NTN1: variants seen among roughly 807,000 people sequenced by gnomAD.
NTN1 encodes netrin 1, also known as netrin-1.
A neutral mutation model predicts 54.2 loss-of-function variants in NTN1; 11 were observed. That is an observed-to-expected ratio of 0.20 (90% CI 0.13 to 0.34). NTN1 has a LOEUF of 0.34. Among genes scored for constraint, NTN1 ranks in the 10% least tolerant of loss-of-function variants. NTN1 has a pLI of 1.00. For synonymous variants in NTN1, 371 were observed against 382.0 expected (o/e 0.97, Z 0.33); for missense variants, 740 against 893.1 (o/e 0.83, Z 2.18).
chr17:9,129,293 A>T (rs1002412335), intron 2 of NTN1, among the ~76,000 whole-genome samples: 6 of 152,146 alleles, frequency 3.9e-5, no homozygotes, highest in Non-Finnish European at 8.8e-5. Flanking sequence ...GCCTCATTAA[A>T]AGGTACTTTA....
intron 2 of NTN1, among the ~76,000 whole-genome samples, chr17:9,142,728 A>G (rs1042551504): frequency 3.3e-5 from 5 of 152,180 alleles, no homozygotes; most frequent in African/African-American, 1.2e-4. Context: ...TGAACCAACC[A>G]ACCAACCAAA....
intron 4 of NTN1, among the ~76,000 whole-genome samples, chr17:9,182,325 G>C (rs2092420946): frequency 6.6e-6 from 1 of 152,228 alleles, no homozygotes; most frequent in Non-Finnish European, 1.5e-5. Context: ...ACGATCACAT[G>C]CTTTTATGAG....
At chr17:9,039,693 T>C (rs1018031396) in intron 2 of NTN1, among the ~76,000 whole-genome samples, 16 of 152,228 alleles carry the variant, frequency 1.1e-4, no homozygotes, top group Admixed American at 3.3e-4. Flanking sequence ...CCTTCTGTCA[T>C]TGTATATCTG....
intron 2 of NTN1, among the ~76,000 whole-genome samples, chr17:9,132,881 GAA>G: frequency 6.6e-6 from 1 of 152,114 alleles, no homozygotes; most frequent in South Asian, 2.1e-4. Flanking sequence ...TTTCAAAAAA[GAA>G]AAAGAATGAC....
intron 2 of NTN1, among the ~76,000 whole-genome samples, chr17:9,121,801 G>T (rs2092232406): frequency 6.6e-6 from 1 of 152,092 alleles, no homozygotes; most frequent in Admixed American, 6.6e-5. Context: ...TTACAAAAAA[G>T]AGCCTCCCCA....
At chr17:9,178,156 C>T (rs1371328476) in intron 3 of NTN1, among the ~76,000 whole-genome samples, 1 of 152,238 alleles carries the variant, frequency 6.6e-6, no homozygotes, top group Admixed American at 6.5e-5. Flanking sequence ...GAGATTACGC[C>T]ATTGCACTCT....
At chr17:9,018,140 G>C (rs896609069), upstream of NTN1, among the ~76,000 whole-genome samples, 2 of 152,078 alleles carry the variant, frequency 1.3e-5, no homozygotes, top group African/African-American at 4.8e-5. Context: ...CTGGATACAA[G>C]GTGAGTAAGA....
At chr17:9,202,070 A>C (rs1460126594) in intron 5 of NTN1, among the ~76,000 whole-genome samples, 4,569 of 125,636 alleles carry the variant, frequency 0.036, 99 homozygotes, top group African/African-American at 0.08. Flanking sequence ...AAAAAAAAAA[A>C]AAAAAAAAAA....
Position 9,204,189 on chromosome 17 carries a change from TTCCC to T in NTN1, c.1412-16975_1412-16972del, listed in dbSNP as rs1198222769. 4.8e-4 allele frequency among the ~76,000 whole-genome samples: 70 copies of T among 144,748 alleles called. No homozygotes were observed. In the East Asian group the frequency reaches 9.0e-3, roughly 19 times the overall value. 95.0% of individuals were successfully genotyped at this position (144,748 alleles called of 152,430 possible). A position where few individuals can be genotyped will look rare whatever the true frequency, so the allele number is the denominator to read the frequency against. ...CCCTTAGTAACCGTTCCTTCCTTCC[TTCCC>T]TCCTTCCTTCCTTCCTTCCTTCCTT... On this transcript the variant is annotated intron_variant, in intron 5 of 6. Coordinates refer to ENST00000173229, the MANE Select transcript of NTN1 (RefSeq NM_004822.3).
chr17:9,091,154 T>A (rs2092109201), intron 2 of NTN1, among the ~76,000 whole-genome samples: 1 of 152,180 alleles, frequency 6.6e-6, no homozygotes, highest in African/African-American at 2.4e-5. Flanking sequence ...TGACTTTTCC[T>A]CCCCCAAACT....
Position 9,221,147 on chromosome 17 carries a change from T to TCGG in NTN1, c.1412-20_1412-19insGGC. On this transcript the variant is annotated intron_variant, in intron 5 of 6. Coordinates refer to ENST00000173229, the MANE Select transcript of NTN1 (RefSeq NM_004822.3). This position sits in a 1 kb window ranked among gnomAD's most constrained non-coding sequence, Gnocchi z 4.5. Reference sequence around the variant, plus strand: ...CAGCCTAATTAGTTTTTGTCTGTGCTCCCCCCCCACCCCCCTGCAGACTGC... The same window carrying TCGG: ...CAGCCTAATTAGTTTTTGTCTGTGCTCGGCCCCCCCCACCCCCCTGCAGACTGC... 7.7e-7 allele frequency: 1 copy of TCGG among 1,303,814 alleles called. No homozygotes were observed. Among genetic ancestry groups the TCGG allele is most frequent in the Non-Finnish European group, 1.0e-6 (1 of 952,884 alleles). 80.8% of individuals were successfully genotyped at this position (1,303,814 alleles called of 1,614,324 possible). A position where few individuals can be genotyped will look rare whatever the true frequency, so the allele number is the denominator to read the frequency against.
intron 5 of NTN1, among the ~76,000 whole-genome samples, chr17:9,189,634 G>A (rs1904398084): frequency 6.6e-6 from 1 of 152,058 alleles, no homozygotes; most frequent in African/African-American, 2.4e-5. Flanking sequence ...ACAGGGGTGA[G>A]CCACCATGCC....
At chr17:9,051,623 G>A (rs1263136155) in intron 2 of NTN1, among the ~76,000 whole-genome samples, 1 of 152,194 alleles carries the variant, frequency 6.6e-6, no homozygotes, top group Non-Finnish European at 1.5e-5. Context: ...CATATGCATT[G>A]TGAAATCATG....
rs749049996 is a variant in NTN1, at chr17:9,219,010, G to A, written c.1412-2158G>A. ...CTTGCATTCCAATTCGCTTCCCTAA[G>A]TGGAGAAAGCAGGAAGGGATTTCAG... On this transcript the variant is annotated intron_variant, in intron 5 of 6. Coordinates refer to ENST00000173229, the MANE Select transcript of NTN1 (RefSeq NM_004822.3). The surrounding 1 kb of genome is among the most constrained non-coding windows in gnomAD (Gnocchi z 4.5). Among the ~76,000 whole-genome samples, 28 of 152,138 alleles carry A rather than the reference G, an allele frequency of 1.8e-4. No individual in the cohort carries two copies. Among genetic ancestry groups the A allele is most frequent in the Non-Finnish European group, 1.6e-4 (11 of 68,036 alleles).
In NTN1 at chr17:9,135,574, C is replaced by G. The variant is rs78061121; in HGVS notation, c.1019-27239C>G. On this transcript the variant is annotated intron_variant, in intron 2 of 6. Coordinates refer to ENST00000173229, the MANE Select transcript of NTN1 (RefSeq NM_004822.3). The surrounding 1 kb of genome is among the most constrained non-coding windows in gnomAD (Gnocchi z 4.4). ...GGCTGAGATCCACGCTTCTTGGAGC[C>G]CATTGGCTTCCCCTTGAATTGTCAC... Among the ~76,000 whole-genome samples, 2,296 of 152,298 alleles carry G rather than the reference C, an allele frequency of 0.015. 55 individuals are homozygous for G. Among genetic ancestry groups the G allele is most frequent in the African/African-American group, 0.052 (2,174 of 41,540 alleles).
the NTN1 span, among the ~76,000 whole-genome samples, chr17:9,006,521 G>GGT: frequency 8.5e-5 from 13 of 152,248 alleles, no homozygotes; most frequent in Non-Finnish European, 1.5e-4. Context: ...GGAGATGTGA[G>GGT]GTGTGTGTGT....
At chr17:9,214,991 C>G (rs1200272531) in intron 5 of NTN1, among the ~76,000 whole-genome samples, 2 of 151,680 alleles carry the variant, frequency 1.3e-5, no homozygotes, top group African/African-American at 4.8e-5. Context: ...TTCATTTTTT[C>G]TGTTTTATCT....
At chr17:9,028,005 A>G (rs1329309819) in intron 2 of NTN1, among the ~76,000 whole-genome samples, 2 of 151,998 alleles carry the variant, frequency 1.3e-5, no homozygotes, top group East Asian at 3.9e-4. Context: ...GGTGCCGGTA[A>G]TCCTAGCTAC....
intron 5 of NTN1, among the ~76,000 whole-genome samples, chr17:9,196,295 G>C (rs866389912): frequency 3.3e-5 from 5 of 152,218 alleles, no homozygotes; most frequent in Admixed American, 6.5e-5. Context: ...AAAGAAAAGA[G>C]GAGAATGGAT....
Sources: allele counts gnomAD v4.1 joint callset (sites outside exome capture counted in the v4.1 genomes callset), GRCh38; gene constraint gnomAD v4.1.1; non-coding constraint Gnocchi (gnomAD v3.1); transcripts MANE v1.5; gene names NCBI Gene and HGNC (gene_info 2026-07-23, HGNC 2026-07-21).